The following FGF1 variants were observed in gnomAD, a reference collection of about 807,000 sequenced individuals.
The protein encoded by FGF1 is beta-endothelial cell growth factor.
In FGF1, 9 loss-of-function variants were observed where a neutral mutation model predicts 13.4. The ratio of observed to expected loss-of-function variants is 0.67; its 90% confidence interval spans 0.40 to 1.17. The LOEUF is 1.17. Among genes scored for constraint, FGF1 ranks in the 50% most tolerant of loss-of-function variants. The pLI is 0.01. For missense variants in FGF1, 156 were observed against 192.7 expected, an observed-to-expected ratio of 0.81 and a Z score of 1.13; for synonymous variants, 93 against 79.0, an observed-to-expected ratio of 1.18 and a Z score of -0.94.
At chr5:142,600,516 G>A (rs1448940396) in intron 3 of FGF1, among the ~76,000 whole-genome samples, 186 bp downstream of exon 3, 2 of 152,190 alleles carry the variant, frequency 1.3e-5, no homozygotes, top group African/African-American at 2.4e-5. Context: ...AGTTTTGAGA[G>A]AATACTACAA....
intron 1 of FGF1, among the ~76,000 whole-genome samples, chr5:142,659,944 GC>G (rs1768904422): frequency 6.6e-6 from 1 of 152,318 alleles, no homozygotes; most frequent in African/African-American, 2.4e-5. Context: ...TCCAGAGCAG[GC>G]CTCTGAAAGT....
chr5:142,626,639 ACTTTGCAAGT>A (rs1185593421), intron 1 of FGF1: 1 of 152,212 alleles, frequency 6.6e-6, no homozygotes, highest in Non-Finnish European at 1.5e-5. Context: ...ATTGAATGGA[ACTTTGCAAGT>A]TCCTCCCCTG....
intron 1 of FGF1, among the ~76,000 whole-genome samples, chr5:142,650,876 A>G (rs374225523): frequency 3.9e-5 from 6 of 152,050 alleles, no homozygotes; most frequent in African/African-American, 1.4e-4. Flanking sequence ...GGACATGGAG[A>G]TTTCCTATGG....
chr5:142,645,362 C>T (rs142687230), intron 1 of FGF1, among the ~76,000 whole-genome samples: 1 of 152,246 alleles, frequency 6.6e-6, no homozygotes, highest in Non-Finnish European at 1.5e-5. Context: ...GGAGACATCG[C>T]ATTCCTCAGC....
At chr5:142,687,114 A>AGTGTGT (rs150596132), upstream of FGF1, among the ~76,000 whole-genome samples, 2,322 of 150,166 alleles carry the variant, frequency 0.015, 68 homozygotes, top group African/African-American at 0.052. Flanking sequence ...AGAAGGCATG[A>AGTGTGT]GTGTGTGTGT....
At position 142,601,167 on chromosome 5, in the gene FGF1, C is replaced by G. The variant is rs545771067; in HGVS notation, c.170-362G>C. On this transcript the variant is annotated intron_variant, in intron 2 of 3. Coordinates refer to ENST00000337706, the MANE Select transcript of FGF1 (RefSeq NM_000800.5). ...AGGAAATGGCACTCACTCCCCCGGG[C>G]TCCCTCATCCCTGCAATCTTGGGAT... 7.5e-5 allele frequency: 38 copies of G among 503,644 alleles called. No individual in the cohort carries two copies. In the East Asian group the frequency reaches 1.6e-3, roughly 21 times the overall value. The allele number at this position is 503,644 out of a possible 1,614,324, so 31.2% of individuals were successfully genotyped here. A position where few individuals can be genotyped will look rare whatever the true frequency, so the allele number is the denominator to read the frequency against.
At chr5:142,618,464 C>T (rs1018362266) in intron 1 of FGF1, among the ~76,000 whole-genome samples, 25 of 152,156 alleles carry the variant, frequency 1.6e-4, no homozygotes, top group African/African-American at 6.0e-4. Context: ...TGATACAGCG[C>T]TTGAAAAATT....
intron 1 of FGF1, among the ~76,000 whole-genome samples, chr5:142,649,944 T>G (rs1429259862): frequency 1.3e-5 from 2 of 152,210 alleles, no homozygotes; most frequent in Non-Finnish European, 2.9e-5. Context: ...CATGAGACAT[T>G]TGATCACATC....
intron 1 of FGF1, among the ~76,000 whole-genome samples, chr5:142,661,952 G>A (rs1769324091): frequency 6.6e-6 from 1 of 151,920 alleles, no homozygotes; most frequent in East Asian, 1.9e-4. Context: ...GCAGTGAGCC[G>A]AGATTACACT....
At chr5:142,680,832 ATCT>A (rs1395661577) in intron 1 of FGF1, 2 of 152,212 alleles carry the variant, frequency 1.3e-5, no homozygotes, top group African/African-American at 4.8e-5. Flanking sequence ...GCCAGACCTG[ATCT>A]TCTTTAATTG....
At chr5:142,618,475 G>A (rs571915505) in intron 1 of FGF1, among the ~76,000 whole-genome samples, 2 of 152,284 alleles carry the variant, frequency 1.3e-5, no homozygotes, top group African/African-American at 4.8e-5. Context: ...TTGAAAAATT[G>A]GACCTGACCT....
intron 1 of FGF1, among the ~76,000 whole-genome samples, chr5:142,628,758 G>A (rs375431113): frequency 3.9e-5 from 6 of 152,262 alleles, no homozygotes; most frequent in South Asian, 2.1e-4. Flanking sequence ...TATGTTGGGC[G>A]GGGTTGTTTG....
At chr5:142,637,646 A>G (rs1764502304) in intron 1 of FGF1, among the ~76,000 whole-genome samples, 1 of 152,018 alleles carries the variant, frequency 6.6e-6, no homozygotes, top group South Asian at 2.1e-4. Context: ...GTTGACAAAC[A>G]GTGCTGGGAG....
chr5:142,664,169 C>CT (rs1421049917), intron 1 of FGF1, among the ~76,000 whole-genome samples: 2 of 152,108 alleles, frequency 1.3e-5, no homozygotes, highest in Admixed American at 6.6e-5. Flanking sequence ...GCAAAGTGTT[C>CT]TTTTTTCCTG....
At chr5:142,641,267 C>T (rs1349503733) in intron 1 of FGF1, among the ~76,000 whole-genome samples, 1 of 151,988 alleles carries the variant, frequency 6.6e-6, no homozygotes, top group East Asian at 1.9e-4. Context: ...AATTATTTTG[C>T]GTGCTTCCTC....
intron 1 of FGF1, among the ~76,000 whole-genome samples, chr5:142,653,462 C>G (rs1340089556): frequency 6.6e-6 from 1 of 152,174 alleles, no homozygotes; most frequent in Middle Eastern, 3.2e-3. Context: ...CTCTCCAGCC[C>G]GGCCTCCCAG....
chr5:142,686,645 G>T (rs146522613), upstream of FGF1: 5 of 152,636 alleles, frequency 3.3e-5, no homozygotes, highest in Middle Eastern at 3.4e-3. Context: ...CCTGCATGGG[G>T]TGTAGGTGTC....
At chr5:142,640,428 G>GGA (rs1554084932) in intron 1 of FGF1, among the ~76,000 whole-genome samples, 1 of 142,322 alleles carries the variant, frequency 7.0e-6, no homozygotes, top group Non-Finnish European at 1.5e-5. Flanking sequence ...GAGTATGGTG[G>GGA]GGGGGGGGGT....
intron 1 of FGF1, among the ~76,000 whole-genome samples, chr5:142,643,604 G>A (rs1765536858): frequency 6.6e-6 from 1 of 152,130 alleles, no homozygotes; most frequent in Non-Finnish European, 1.5e-5. Context: ...AAATTTCTCA[G>A]TAGGGACCAA....
Sources: gnomAD v4.1 joint callset for allele counts (sites outside exome capture counted in the v4.1 genomes callset) on GRCh38, gnomAD v4.1.1 for gene constraint, MANE v1.5 for transcripts, NCBI Gene and HGNC (gene_info 2026-07-23, HGNC 2026-07-21) for gene names.